FBXL7: variants seen among roughly 807,000 people sequenced by gnomAD.
The protein encoded by FBXL7 is F-box/LRR-repeat protein 7.
FBXL7 carries 12 observed loss-of-function variants against 38.3 expected under a neutral mutation model. The ratio of observed to expected loss-of-function variants is 0.31; its 90% CI spans 0.20 to 0.51. The LOEUF (loss-of-function observed/expected upper bound fraction) is 0.51. Ranked by LOEUF, FBXL7 falls within the 20% of genes least tolerant of loss-of-function variation. The pLI, the probability that FBXL7 is intolerant of heterozygous loss-of-function variation, is 0.98. For synonymous variants in FBXL7, 297 were observed against 300.9 expected (o/e 0.99, Z 0.13); for missense variants, 567 against 676.4 (o/e 0.84, Z 1.79).
intron 2 of FBXL7, among the ~76,000 whole-genome samples, chr5:15,821,434 G>A (rs200665152): frequency 2.6e-4 from 39 of 152,280 alleles, no homozygotes; most frequent in East Asian, 1.9e-3. Flanking sequence ...CAGGGAGAAG[G>A]ACATTCATTC....
At chr5:15,603,522 C>T (rs1739875909) in intron 1 of FBXL7, among the ~76,000 whole-genome samples, 1 of 151,086 alleles carries the variant, frequency 6.6e-6, no homozygotes, top group Non-Finnish European at 1.5e-5. Flanking sequence ...CCAAGCCTTA[C>T]TTCTGGCTCC....
chr5:15,566,956 A>G (rs1738593712), intron 1 of FBXL7, among the ~76,000 whole-genome samples: 1 of 152,176 alleles, frequency 6.6e-6, no homozygotes, highest in Admixed American at 6.5e-5. Flanking sequence ...TGAGTCACAC[A>G]GGATTCTTTC....
rs544705734 is a variant in FBXL7, at chr5:15,628,657, T to C, written c.127+12585T>C. Among the ~76,000 whole-genome samples, 13 of 152,338 alleles carry C rather than the reference T, an allele frequency of 8.5e-5. No homozygotes were observed. In the East Asian group the frequency reaches 2.3e-3, roughly 27 times the overall value. On this transcript the variant is annotated intron_variant, in intron 2 of 3. Coordinates refer to ENST00000504595, the MANE Select transcript of FBXL7 (RefSeq NM_012304.5). ...GTGAATACATTTAAGCATGCTGTTG[T>C]TACATGCTTTTTCTTCCATCATATA... is the stretch of plus-strand genomic sequence containing the variant.
intron 2 of FBXL7, among the ~76,000 whole-genome samples, chr5:15,913,064 C>G (rs1741481394): frequency 6.6e-6 from 1 of 152,146 alleles, no homozygotes; most frequent in Non-Finnish European, 1.5e-5. Flanking sequence ...AAATGTTTCT[C>G]TATATCCTTG....
At chr5:15,736,535 A>T (rs997288098) in intron 2 of FBXL7, among the ~76,000 whole-genome samples, 6 of 152,372 alleles carry the variant, frequency 3.9e-5, no homozygotes, top group African/African-American at 1.4e-4. Flanking sequence ...TGTGATAAAT[A>T]CGTAAAATAG....
chr5:15,925,029 C>T (rs565938690), intron 2 of FBXL7, among the ~76,000 whole-genome samples: 3 of 152,240 alleles, frequency 2.0e-5, no homozygotes, highest in Admixed American at 6.6e-5. Flanking sequence ...CAAAGCAAGT[C>T]ACATGGACAA....
At chr5:15,896,217 G>A (rs1741100693) in intron 2 of FBXL7, among the ~76,000 whole-genome samples, 2 of 151,974 alleles carry the variant, frequency 1.3e-5, no homozygotes, top group Admixed American at 1.3e-4. Flanking sequence ...GTAGAGATGG[G>A]GTTTCACCAT....
chr5:15,710,225 A>G (rs1424597318), intron 2 of FBXL7, among the ~76,000 whole-genome samples: 1 of 152,160 alleles, frequency 6.6e-6, no homozygotes, highest in African/African-American at 2.4e-5. Context: ...ATAAGATTCT[A>G]CATATGGCTG....
intron 2 of FBXL7, among the ~76,000 whole-genome samples, chr5:15,639,322 A>G (rs548525740): frequency 1.3e-5 from 2 of 152,302 alleles, no homozygotes; most frequent in African/African-American, 2.4e-5. Flanking sequence ...TGTAGCTCCC[A>G]TGATTCCCAG....
At chr5:15,787,546 A>G (rs1737163231) in intron 2 of FBXL7, among the ~76,000 whole-genome samples, 1 of 152,196 alleles carries the variant, frequency 6.6e-6, no homozygotes, top group East Asian at 1.9e-4. Flanking sequence ...AACAAAGTCT[A>G]ATATCACAAG....
chr5:15,622,694 G>T (rs1220955957), intron 2 of FBXL7, among the ~76,000 whole-genome samples: 1 of 152,022 alleles, frequency 6.6e-6, no homozygotes, highest in African/African-American at 2.4e-5. Context: ...GAGAAATGAA[G>T]GGATTTGCTT....
chr5:15,779,255 AG>A (rs1736933681), intron 2 of FBXL7, among the ~76,000 whole-genome samples: 1 of 152,044 alleles, frequency 6.6e-6, no homozygotes, highest in Non-Finnish European at 1.5e-5. Context: ...GTTAGATAGA[AG>A]GAAAAAGTTC....
At chr5:15,766,008 A>G (rs906866843) in intron 2 of FBXL7, among the ~76,000 whole-genome samples, 2 of 150,998 alleles carry the variant, frequency 1.3e-5, no homozygotes, top group South Asian at 2.1e-4. Flanking sequence ...CTCCAGCTTC[A>G]TCTATATCTG....
intron 2 of FBXL7, among the ~76,000 whole-genome samples, chr5:15,693,611 G>A (rs924737382): frequency 7.2e-5 from 11 of 152,046 alleles, no homozygotes; most frequent in African/African-American, 2.7e-4. Context: ...ACTCTGGCCC[G>A]CCATGTCCCC....
chr5:15,689,681 TA>T (rs1285130480), intron 2 of FBXL7, among the ~76,000 whole-genome samples: 1 of 152,232 alleles, frequency 6.6e-6, no homozygotes, highest in Non-Finnish European at 1.5e-5. Flanking sequence ...AAATGCTCAA[TA>T]AATTGAACTT....
At chr5:15,550,208 G>GC (rs1738022490) in intron 1 of FBXL7, among the ~76,000 whole-genome samples, 2 of 152,292 alleles carry the variant, frequency 1.3e-5, no homozygotes, top group South Asian at 4.1e-4. Flanking sequence ...CTTTTCGAAA[G>GC]CAACTTTAAG....
chr5:15,839,706 T>C (rs1169423119), intron 2 of FBXL7, among the ~76,000 whole-genome samples: 1 of 152,198 alleles, frequency 6.6e-6, no homozygotes, highest in Non-Finnish European at 1.5e-5. Context: ...CTAGATTTAA[T>C]ATTTATTTAA....
At chr5:15,871,819 C>T (rs1739978483) in intron 2 of FBXL7, among the ~76,000 whole-genome samples, 1 of 152,070 alleles carries the variant, frequency 6.6e-6, no homozygotes, top group South Asian at 2.1e-4. Context: ...GATTGATGTA[C>T]CTGAAAGTGA....
intron 2 of FBXL7, among the ~76,000 whole-genome samples, chr5:15,919,930 A>ATG (rs1225211636): frequency 6.6e-6 from 1 of 152,172 alleles, no homozygotes; most frequent in Non-Finnish European, 1.5e-5. Flanking sequence ...AGGTACTTTA[A>ATG]TGGGACCATG....
Sources: gnomAD v4.1 joint callset for allele counts (sites outside exome capture counted in the v4.1 genomes callset) on GRCh38, gnomAD v4.1.1 for gene constraint, MANE v1.5 for transcripts, NCBI Gene and HGNC (gene_info 2026-07-23, HGNC 2026-07-21) for gene names.